LMBR1L: variants seen among roughly 807,000 people sequenced by gnomAD.
The protein encoded by LMBR1L is protein LMBR1L.
A neutral mutation model predicts 67.3 loss-of-function variants in LMBR1L; 47 were observed. The ratio of observed to expected loss-of-function variants is 0.70; its 90% CI spans 0.55 to 0.89. The LOEUF is 0.89. Among genes scored for constraint, LMBR1L ranks in the 40% least tolerant of loss-of-function variants. LMBR1L has a pLI of 0.00. For missense variants in LMBR1L, 533 were observed against 599.2 expected, an observed-to-expected ratio of 0.89 and a Z score of 1.15; for synonymous variants, 247 against 250.3, an observed-to-expected ratio of 0.99 and a Z score of 0.13.
intron 3 of LMBR1L, among the ~76,000 whole-genome samples, chr12:49,105,690 G>A (rs867690858): frequency 3.3e-5 from 5 of 152,168 alleles, no homozygotes; most frequent in African/African-American, 7.2e-5. Context: ...AGGCCCCAGC[G>A]GACGTTCCTG....
At position 49,104,562 on chromosome 12, in the gene LMBR1L, AAAGG is replaced by A; in HGVS notation, c.332-15_332-12del. 1 of 1,608,010 alleles carries A rather than the reference AAAGG, an allele frequency of 6.2e-7. No individual in the cohort carries two copies. ...CAAGGTTCCAGAGGCCTAGAGCAAA[AAAGG>A]AAGAGCAGAAGTGGTCAGTAAGGGG... On this transcript the variant is annotated splice_polypyrimidine_tract_variant and intron_variant, in intron 4 of 16. Coordinates refer to ENST00000267102, the MANE Select transcript of LMBR1L (RefSeq NM_018113.4).
intron 15 of LMBR1L, 47 bp from the exon 16 acceptor site, chr12:49,098,152 T>C: frequency 6.4e-7 from 1 of 1,574,620 alleles, no homozygotes; most frequent in South Asian, 1.1e-5. Flanking sequence ...CAGGCCCTTT[T>C]CTGCTACCAG....
At chr12:49,103,050 C>A in intron 7 of LMBR1L, 41 bp downstream of exon 7, 1 of 1,610,668 alleles carries the variant, frequency 6.2e-7, no homozygotes, top group Non-Finnish European at 8.5e-7. Flanking sequence ...TACTCTGGTC[C>A]AAGGACCCTG....
At chr12:49,106,465 C>A (rs1940921515) in intron 2 of LMBR1L, 2 of 760,350 alleles carry the variant, frequency 2.6e-6, no homozygotes, top group South Asian at 2.9e-5. Flanking sequence ...GCCCCCACCC[C>A]CAATTACACA....
rs1240409139 is a variant in LMBR1L, at chr12:49,101,308, G to A, written c.1024C>T (p.Gln342Ter). Residue 342 changes from glutamine (Q) to a stop codon, truncating the protein, a stop_gained, in exon 13 of 17, where the codon CAG becomes TAG. Transcript: ENST00000267102. LOFTEE classifies it high-confidence loss of function. ...GAGCCCAGCTTGGAGAAGGAGACCT[G>A]GCCTAAGGAGGTACCCTGAGGAGTG... ...PRGMQGTSLG[Q>*]VSFSKLGSFG... 6.2e-7 allele frequency: 1 copy of A among 1,614,002 alleles called. No homozygotes were observed. Among genetic ancestry groups the A allele is most frequent in the Non-Finnish European group, 8.5e-7 (1 of 1,180,004 alleles).
rs200046649 is a variant in LMBR1L at position 49,098,131 on chromosome 12, G to T, written c.1241-26C>A. The T allele has an allele frequency of 1.6e-4, 249 of 1,555,896 alleles. 1 individual carries two copies. The highest frequency in any genetic ancestry group is 3.4e-4 in the Middle Eastern group (2 of 5,926). ...CTGAAGCACAAAGGCCAGGATGAGA[G>T]GTGGGCTCCCCAGGCCCTTTTCTGC... On this transcript the variant is annotated intron_variant, in intron 15 of 16. Transcript: ENST00000267102.
intron 11 of LMBR1L, 131 bp downstream of exon 11, chr12:49,101,989 A>C: frequency 1.4e-6 from 1 of 740,184 alleles, no homozygotes; most frequent in Non-Finnish European, 2.3e-6. Context: ...GGCAGGACAT[A>C]AAAGTAGGCA....
Position 49,110,510 on chromosome 12 carries a change from A to G in LMBR1L, c.46T>C (p.Phe16Leu), listed in dbSNP as rs1192410103. 6.2e-7 allele frequency: 1 copy of G among 1,613,916 alleles called. No individual in the cohort carries two copies. The highest frequency in any genetic ancestry group is 8.5e-7 in the Non-Finnish European group (1 of 1,179,968). Residue 16 changes from phenylalanine (F) to leucine (L), a missense_variant, in exon 1 of 17, where the codon TTC (phenylalanine) becomes CTC (leucine). Phe to Leu is a conservative substitution (Grantham distance 22). Coordinates refer to ENST00000267102, the MANE Select transcript of LMBR1L (RefSeq NM_018113.4). The part of the protein sequence containing the change: ...YEVLSVREQL[F>L]HERIRECIIS... Reference sequence around the variant, plus strand: ...ATACACTCGCGGATCCTCTCGTGGAATAGCTGTTCTCGCACGGATAGCACT... The same window carrying G: ...ATACACTCGCGGATCCTCTCGTGGAGTAGCTGTTCTCGCACGGATAGCACT...
rs756059271 is a variant in LMBR1L at position 49,100,640 on chromosome 12, T to C, written c.1089A>G (p.Leu363=). ...AVIQVVLIFY[L]MVSSVVGFYS... is the part of the protein sequence containing the mutation. ...AGAAGCCCACAACTGAGGACACCATTAGGTAACTGCCACTGCATTAAGGAA... is the reference window on the plus strand; with the variant it reads ...AGAAGCCCACAACTGAGGACACCATCAGGTAACTGCCACTGCATTAAGGAA... Residue 363 remains leucine, a synonymous_variant, in exon 14 of 17, where the codon CTA becomes CTG. Coordinates refer to ENST00000267102, the MANE Select transcript of LMBR1L (RefSeq NM_018113.4). The C allele has an allele frequency of 1.1e-5, 17 of 1,612,494 alleles. No individual in the cohort carries two copies. The Admixed American group carries it at 2.7e-4, about 25-fold the overall frequency.
Position 49,097,275 on chromosome 12 carries a change from G to T in LMBR1L, c.*397C>A. On this transcript the variant is annotated 3_prime_UTR_variant, in exon 17 of 17. Transcript: ENST00000267102. ...AGTGCTTAGGCTCTGCTGGGCCAGA[G>T]GCAAGGGAGACAATCTATCTCCCGA... 4.7e-6 allele frequency: 1 copy of T among 210,810 alleles called. No homozygotes were observed. Among genetic ancestry groups the T allele is most frequent in the South Asian group, 8.5e-5 (1 of 11,724 alleles). The allele number at this position is 210,810 out of a possible 1,614,324, so 13.1% of individuals were successfully genotyped here.
intron 13 of LMBR1L, 139 bp from the exon 14 acceptor site, chr12:49,100,785 T>C (rs1940065778): frequency 1.5e-6 from 1 of 678,600 alleles, no homozygotes; most frequent in Non-Finnish European, 2.5e-6. Flanking sequence ...TGGAGTGCAG[T>C]GGTGCGATTT....
At chr12:49,099,116 A>G (rs1424645295) in intron 15 of LMBR1L, among the ~76,000 whole-genome samples, 3 of 123,100 alleles carry the variant, frequency 2.4e-5, no homozygotes, top group African/African-American at 9.4e-5. Context: ...GGCCTGGCTC[A>G]CAGCTGATTT....
At chr12:49,102,408 G>A in intron 9 of LMBR1L, 32 bp from the exon 10 acceptor site, 1 of 1,613,470 alleles carries the variant, frequency 6.2e-7, no homozygotes, top group South Asian at 1.1e-5. Flanking sequence ...TTGCTCTCAA[G>A]TCCTGCAGTT....
At chr12:49,109,702 C>T (rs1168756669) in intron 1 of LMBR1L, 1 of 456,610 alleles carries the variant, frequency 2.2e-6, no homozygotes, top group South Asian at 1.5e-5. Flanking sequence ...GATATGACAC[C>T]CTAAGCTCCA....
intron 1 of LMBR1L, chr12:49,110,049 CCT>C (rs559269175): frequency 5.8e-5 from 27 of 462,488 alleles, no homozygotes; most frequent in African/African-American, 5.0e-4. Context: ...CTACACCTCC[CCT>C]CTTTTCTGGA....
At chr12:49,108,440 T>C (rs747785929) in intron 1 of LMBR1L, among the ~76,000 whole-genome samples, 10 of 151,816 alleles carry the variant, frequency 6.6e-5, no homozygotes, top group Non-Finnish European at 1.2e-4. Flanking sequence ...CATGCACCTG[T>C]AGTCTCAGCT....
intron 3 of LMBR1L, 182 bp from the exon 4 acceptor site, chr12:49,105,067 TCCAGGGAAGCC>T: frequency 1.6e-6 from 1 of 632,422 alleles, no homozygotes. Flanking sequence ...GCTCTTTACC[TCCAGGGAAGCC>T]CCAGCTCATG....
Position 49,106,986 on chromosome 12 carries a change from G to C in LMBR1L, c.132C>G (p.Phe44Leu). 3 of 1,613,492 alleles carry C rather than the reference G, an allele frequency of 1.9e-6. No homozygotes were observed. Among genetic ancestry groups the C allele is most frequent in the Non-Finnish European group, 2.5e-6 (3 of 1,179,372 alleles). ...CTGTGGTGAACTCAGCAGGCTTCTT[G>C]AAGCGGGTCAGGAAGATGTGGCAGA... The part of the protein sequence containing the change: ...YILCHIFLTR[F>L]KKPAEFTTVD... The change falls in exon 2 of 17, where the codon TTC (phenylalanine) becomes TTG (leucine). Residue 44 changes from phenylalanine (F) to leucine (L), a missense_variant. This residue lies in a region of LMBR1L where 246 missense variants were observed against 249.0 expected (regional missense o/e 0.99). Transcript: ENST00000267102.
intron 11 of LMBR1L, 74 bp from the exon 12 acceptor site, chr12:49,101,623 C>A: frequency 1.8e-6 from 2 of 1,083,576 alleles, no homozygotes; most frequent in Non-Finnish European, 2.7e-6. Context: ...AATGGGCAGA[C>A]TCTGGTCCAA....
Sources: gnomAD v4.1 joint callset for allele counts (sites outside exome capture counted in the v4.1 genomes callset) on GRCh38, gnomAD v4.1.1 for gene constraint, gnomAD v4.1.1 regional missense constraint, MANE v1.5 for transcripts, NCBI Gene and HGNC (gene_info 2026-07-23, HGNC 2026-07-21) for gene names.